The following HIVEP1 variants were observed in gnomAD, a reference collection of about 807,000 sequenced individuals.
HIVEP1 encodes the protein HIVEP zinc finger 1, also known as zinc finger protein 40.
In HIVEP1, 36 loss-of-function variants were observed where a neutral mutation model predicts 180.0. That is an observed-to-expected ratio of 0.20 (90% CI 0.15 to 0.26). HIVEP1 has a LOEUF of 0.26. HIVEP1 is among the 10% of genes least tolerant of loss of function. HIVEP1 has a pLI of 1.00. For synonymous variants in HIVEP1, 1,239 were observed against 1,239.0 expected, an observed-to-expected ratio of 1.00 and a Z score of 0.00; for missense variants, 3,143 against 3,268.7, an observed-to-expected ratio of 0.96 and a Z score of 0.94.
intron 2 of HIVEP1, among the ~76,000 whole-genome samples, chr6:12,045,160 G>A (rs907977600): frequency 5.9e-5 from 9 of 152,096 alleles, no homozygotes; most frequent in African/African-American, 1.9e-4. Flanking sequence ...CCATCTACTG[G>A]GCATTTTTAT....
chr6:12,056,749 T>G (rs1192571272), intron 2 of HIVEP1, among the ~76,000 whole-genome samples: 1 of 152,222 alleles, frequency 6.6e-6, no homozygotes, highest in Non-Finnish European at 1.5e-5. Context: ...TAAATACAAG[T>G]TAGCTTCTCA....
intron 7 of HIVEP1, among the ~76,000 whole-genome samples, chr6:12,145,466 TA>T (rs888296456): frequency 4.7e-5 from 7 of 150,250 alleles, no homozygotes; most frequent in African/African-American, 1.5e-4. Flanking sequence ...ATGTATACCC[TA>T]TGTAACAAAC....
downstream of HIVEP1, among the ~76,000 whole-genome samples, chr6:12,168,452 GA>G: frequency 6.9e-6 from 1 of 144,560 alleles, no homozygotes; most frequent in African/African-American, 2.5e-5. Context: ...ACCAAGTGGG[GA>G]AAAAAAGGAG....
intron 2 of HIVEP1, among the ~76,000 whole-genome samples, chr6:12,042,125 TGC>T (rs1371493348): frequency 3.8e-4 from 57 of 148,386 alleles, no homozygotes; most frequent in Non-Finnish European, 5.7e-4. Context: ...AAGGCGGGAC[TGC>T]GGACTGCAGT....
At chr6:12,081,772 C>T (rs1400288542) in intron 2 of HIVEP1, among the ~76,000 whole-genome samples, 2 of 152,288 alleles carry the variant, frequency 1.3e-5, no homozygotes, top group East Asian at 1.9e-4. Context: ...CCTGCTCCTT[C>T]GCAGTTCACT....
rs146194028 is a variant in HIVEP1, at chr6:12,045,062, C to T, written c.40+29394C>T. 3.9e-3 allele frequency among the ~76,000 whole-genome samples: 599 copies of T among 152,348 alleles called. 3 individuals are homozygous for T. Among genetic ancestry groups the T allele is most frequent in the African/African-American group, 0.014 (570 of 41,584 alleles). On this transcript the variant is annotated intron_variant, in intron 2 of 8. Coordinates refer to ENST00000379388, the MANE Select transcript of HIVEP1 (RefSeq NM_002114.4). ...GGCTATTTAGATGAGTTGTTTAGAA[C>T]ACTAGACTAATGAGATCACCAGGGT...
intron 3 of HIVEP1, 88 bp downstream of exon 3, chr6:12,089,325 C>A: frequency 1.4e-6 from 1 of 695,616 alleles, no homozygotes; most frequent in Non-Finnish European, 2.5e-6. Flanking sequence ...TGAAATAAAT[C>A]AGTATAGACA....
chr6:12,168,297 ACATATATACATATATT>A (rs1760802894), downstream of HIVEP1, among the ~76,000 whole-genome samples: 1 of 124,802 alleles, frequency 8.0e-6, no homozygotes, highest in African/African-American at 3.0e-5. Context: ...ATACATATAT[ACATATATACATATATT>A]ATATACATAT....
upstream of HIVEP1, among the ~76,000 whole-genome samples, chr6:12,009,185 G>GGCCGCGCC (rs1374282136): frequency 6.8e-6 from 1 of 146,714 alleles, no homozygotes; most frequent in African/African-American, 2.4e-5. Flanking sequence ...GGGGCCGCGG[G>GGCCGCGCC]GCCGCGCCAG....
intron 3 of HIVEP1, among the ~76,000 whole-genome samples, chr6:12,096,448 C>T (rs1449133687): frequency 6.6e-6 from 1 of 151,762 alleles, no homozygotes; most frequent in African/African-American, 2.4e-5. Flanking sequence ...GTGAGAGTGG[C>T]TCCATTGGAT....
chr6:12,160,184 T>C (rs990955684), intron 7 of HIVEP1, among the ~76,000 whole-genome samples: 2 of 152,200 alleles, frequency 1.3e-5, no homozygotes, highest in African/African-American at 4.8e-5. Context: ...GCCTCTAATT[T>C]GCAAGATTTT....
chr6:12,109,551 C>G (rs190920513), intron 3 of HIVEP1, among the ~76,000 whole-genome samples: 1 of 152,214 alleles, frequency 6.6e-6, no homozygotes, highest in South Asian at 2.1e-4. Context: ...TTTCTTTGCT[C>G]GTCCATAGAA....
At chr6:12,011,787 C>G (rs1273220075), upstream of HIVEP1, among the ~76,000 whole-genome samples, 1 of 148,340 alleles carries the variant, frequency 6.7e-6, no homozygotes, top group Admixed American at 6.7e-5. Flanking sequence ...AGCTGGCGGC[C>G]GCGCCGGCCC....
At chr6:12,140,700 G>C (rs1170121270) in intron 7 of HIVEP1, among the ~76,000 whole-genome samples, 1 of 152,182 alleles carries the variant, frequency 6.6e-6, no homozygotes, top group Non-Finnish European at 1.5e-5. Context: ...CAAAACTGTG[G>C]CACGAGAACT....
intron 7 of HIVEP1, among the ~76,000 whole-genome samples, chr6:12,145,137 T>C (rs1759291026): frequency 6.6e-6 from 1 of 152,192 alleles, no homozygotes; most frequent in African/African-American, 2.4e-5. Context: ...CCATCAATTA[T>C]AGACTGGATT....
chr6:12,009,731 G>T (rs956085679), upstream of HIVEP1, among the ~76,000 whole-genome samples: 1 of 152,228 alleles, frequency 6.6e-6, no homozygotes, highest in African/African-American at 2.4e-5. Context: ...ATTAGGAAAA[G>T]AAACTGCATT....
At chr6:12,050,455 A>G (rs1490855043) in intron 2 of HIVEP1, among the ~76,000 whole-genome samples, 3 of 152,036 alleles carry the variant, frequency 2.0e-5, no homozygotes, top group African/African-American at 4.8e-5. Flanking sequence ...GCGTAGTGGC[A>G]GGCACCTGTA....
chr6:12,136,485 C>T (rs1202790095), intron 7 of HIVEP1, among the ~76,000 whole-genome samples: 2 of 152,198 alleles, frequency 1.3e-5, no homozygotes, highest in African/African-American at 2.4e-5. Flanking sequence ...TCTCTGGACT[C>T]CTCTAGTATT....
At chr6:12,095,548 C>G (rs1215106557) in intron 3 of HIVEP1, among the ~76,000 whole-genome samples, 3 of 133,220 alleles carry the variant, frequency 2.3e-5, no homozygotes, top group Non-Finnish European at 4.6e-5. Context: ...TAATTTCTCA[C>G]TTAATTGCAT....
Sources: gnomAD v4.1 joint callset for allele counts (sites outside exome capture counted in the v4.1 genomes callset) on GRCh38, gnomAD v4.1.1 for gene constraint, MANE v1.5 for transcripts, NCBI Gene and HGNC (gene_info 2026-07-23, HGNC 2026-07-21) for gene names.